SLC9A9: variants seen among roughly 807,000 people sequenced by gnomAD.
The protein encoded by SLC9A9 is solute carrier family 9 member A9.
SLC9A9 carries 62 observed loss-of-function variants against 77.8 expected under a neutral mutation model. That is an observed-to-expected ratio of 0.80 (90% CI 0.65 to 0.98). SLC9A9 has a LOEUF of 0.98. Among genes scored for constraint, SLC9A9 ranks in the 50% least tolerant of loss-of-function variants. The probability of loss-of-function intolerance (pLI) is 0.00; values close to 1 mark genes in which losing one functional copy is unlikely to be tolerated. For synonymous variants in SLC9A9, 320 were observed against 283.5 expected (o/e 1.13, Z -1.29); for missense variants, 775 against 774.9 (o/e 1.00, Z 0.00).
At position 143,502,322 on chromosome 3, in the gene SLC9A9, G is replaced by A. The variant is rs994106781; in HGVS notation, c.1090-6874C>T. Among the ~76,000 whole-genome samples, 13 of 143,086 alleles carry A rather than the reference G, an allele frequency of 9.1e-5. 1 individual carries two copies. Among genetic ancestry groups the A allele is most frequent in the African/African-American group, 1.5e-4 (5 of 32,964 alleles). The allele number at this position is 143,086 out of a possible 152,430, so 93.9% of individuals were successfully genotyped here. A position where few individuals can be genotyped will look rare whatever the true frequency, so the allele number is the denominator to read the frequency against. On this transcript the variant is annotated intron_variant, in intron 9 of 15. Coordinates refer to ENST00000316549, the MANE Select transcript of SLC9A9 (RefSeq NM_173653.4). Reference sequence around the variant, plus strand: ...AAGACTGGGGAAGTATTTAAACTGCGTAAGAGGACAATCTGTGTTTAAAAA... The same window carrying A: ...AAGACTGGGGAAGTATTTAAACTGCATAAGAGGACAATCTGTGTTTAAAAA...
At chr3:143,283,815 C>T (rs73868711) in intron 14 of SLC9A9, among the ~76,000 whole-genome samples, 5,200 of 152,210 alleles carry the variant, frequency 0.034, 102 homozygotes, top group South Asian at 0.062. Flanking sequence ...AGGAGTAGAG[C>T]TCAGATGGCT....
At chr3:143,432,017 T>C (rs2034527121) in intron 12 of SLC9A9, among the ~76,000 whole-genome samples, 1 of 152,158 alleles carries the variant, frequency 6.6e-6, no homozygotes, top group African/African-American at 2.4e-5. Flanking sequence ...CCCAATCCCA[T>C]CCCTATAACC....
At chr3:143,622,158 T>C (rs1265857296) in intron 6 of SLC9A9, among the ~76,000 whole-genome samples, 2 of 151,752 alleles carry the variant, frequency 1.3e-5, no homozygotes, top group East Asian at 3.9e-4. Flanking sequence ...CTGAAAGTGA[T>C]GGGGAGAATG....
chr3:143,315,020 CA>C (rs2031157753), intron 14 of SLC9A9, among the ~76,000 whole-genome samples: 1 of 152,172 alleles, frequency 6.6e-6, no homozygotes, highest in Admixed American at 6.5e-5. Context: ...GAAATGGTCT[CA>C]TTAGAGAGTT....
chr3:143,627,517 A>C (rs1005165776), intron 6 of SLC9A9: 18 of 288,752 alleles, frequency 6.2e-5, no homozygotes, highest in African/African-American at 3.6e-4. Flanking sequence ...ACAGTATGCC[A>C]CATGCAGAGG....
At chr3:143,413,883 G>A (rs1875459) in intron 12 of SLC9A9, among the ~76,000 whole-genome samples, 41,063 of 152,140 alleles carry the variant, frequency 0.27, 6,077 homozygotes, top group Non-Finnish European at 0.34. Flanking sequence ...AGTCTTACGT[G>A]GGTGAAAATA....
intron 2 of SLC9A9, 66 bp from the exon 3 acceptor site, chr3:143,796,969 C>G: frequency 1.5e-6 from 2 of 1,297,028 alleles, no homozygotes; most frequent in South Asian, 1.2e-5. Context: ...AAACATGTTT[C>G]AAAAAACAGT....
At chr3:143,778,052 AGATGCTG>A (rs2007755292) in intron 4 of SLC9A9, among the ~76,000 whole-genome samples, 1 of 151,066 alleles carries the variant, frequency 6.6e-6, no homozygotes, top group Non-Finnish European at 1.5e-5. Context: ...AAAAAAAAAA[AGATGCTG>A]AATCAATGGC....
In SLC9A9 at chr3:143,618,101, A is replaced by C. The variant is rs115442257; in HGVS notation, c.755+34154T>G. On this transcript the variant is annotated intron_variant, in intron 6 of 15. Coordinates refer to ENST00000316549, the MANE Select transcript of SLC9A9 (RefSeq NM_173653.4). The stretch of plus-strand genomic sequence containing the variant: ...ATATTTGCATGACAGCCAAGAACAC[A>C]GCTGAGACTGAGATACAAGTAGGAG... Among the ~76,000 whole-genome samples, 1,039 of 152,346 alleles carry C rather than the reference A, an allele frequency of 6.8e-3. 12 individuals carry two copies. Among genetic ancestry groups the C allele is most frequent in the African/African-American group, 0.024 (985 of 41,576 alleles).
In SLC9A9 at chr3:143,701,887, A is replaced by C. The variant is rs1040366931; in HGVS notation, c.534-8580T>G. 2.6e-5 allele frequency among the ~76,000 whole-genome samples: 4 copies of C among 152,204 alleles called. No individual in the cohort carries two copies. The South Asian group carries it at 8.3e-4, about 31-fold the overall frequency. On this transcript the variant is annotated intron_variant, in intron 4 of 15. Coordinates refer to ENST00000316549, the MANE Select transcript of SLC9A9 (RefSeq NM_173653.4). ...CTAATAATCAAACTCCCAAAAGTCA[A>C]GGATAAAGAAAGGACCCTAAAAGCA...
At chr3:143,750,739 A>C (rs963238940) in intron 4 of SLC9A9, among the ~76,000 whole-genome samples, 1 of 148,396 alleles carries the variant, frequency 6.7e-6, no homozygotes, top group African/African-American at 2.4e-5. Context: ...ATATCTATAT[A>C]TATATATATA....
chr3:143,571,288 T>C (rs1201711025), intron 8 of SLC9A9, among the ~76,000 whole-genome samples: 2 of 152,250 alleles, frequency 1.3e-5, no homozygotes, highest in East Asian at 3.8e-4. Context: ...TTTAGTTTAC[T>C]GTATTCATTG....
intron 5 of SLC9A9, among the ~76,000 whole-genome samples, chr3:143,661,189 A>C (rs2038973493): frequency 6.6e-6 from 1 of 152,250 alleles, no homozygotes; most frequent in Non-Finnish European, 1.5e-5. Flanking sequence ...CAAAAGTCAT[A>C]AAGCAGCTCT....
chr3:143,497,157 G>T (rs1013517309), intron 9 of SLC9A9, among the ~76,000 whole-genome samples: 3 of 152,178 alleles, frequency 2.0e-5, no homozygotes, highest in African/African-American at 7.2e-5. Flanking sequence ...TAGCTATTTA[G>T]TTTTTTAACA....
At chr3:143,290,166 G>A (rs2029886663) in intron 14 of SLC9A9, among the ~76,000 whole-genome samples, 1 of 152,098 alleles carries the variant, frequency 6.6e-6, no homozygotes, top group Non-Finnish European at 1.5e-5. Flanking sequence ...GTAATCTATT[G>A]TCAAAACTAG....
intron 14 of SLC9A9, among the ~76,000 whole-genome samples, chr3:143,317,295 C>T (rs2031245883): frequency 6.6e-6 from 1 of 152,130 alleles, no homozygotes; most frequent in Non-Finnish European, 1.5e-5. Flanking sequence ...GCCAGGGCAG[C>T]CCTCCTCAGA....
intron 6 of SLC9A9, among the ~76,000 whole-genome samples, chr3:143,628,245 T>G (rs2038363948): frequency 6.6e-6 from 1 of 152,114 alleles, no homozygotes; most frequent in African/African-American, 2.4e-5. Context: ...TGGGGTTACA[T>G]CCCAATAACC....
chr3:143,401,810 T>G (rs2033867163), intron 12 of SLC9A9, among the ~76,000 whole-genome samples: 2 of 152,182 alleles, frequency 1.3e-5, no homozygotes, highest in Admixed American at 6.5e-5. Flanking sequence ...ACAGGAGGAA[T>G]GAAAGTGCTC....
chr3:143,675,210 C>CATCAGAAATATGCCTTGTGCAT, intron 5 of SLC9A9, among the ~76,000 whole-genome samples: 2 of 152,318 alleles, frequency 1.3e-5, no homozygotes, highest in African/African-American at 4.8e-5. Context: ...TTTCCCTGCA[C>CATCAGAAATATGCCTTGTGCAT]ATCAGAAATA....
Sources: allele counts gnomAD v4.1 joint callset (sites outside exome capture counted in the v4.1 genomes callset), GRCh38; gene constraint gnomAD v4.1.1; transcripts MANE v1.5; gene names NCBI Gene and HGNC (gene_info 2026-07-23, HGNC 2026-07-21).